The following NLRP8 variants were observed in gnomAD, a reference collection of about 807,000 sequenced individuals.
NLRP8 encodes the protein NLR family pyrin domain containing 8.
In NLRP8, 86 loss-of-function variants were observed where a neutral mutation model predicts 88.7. The observed-to-expected ratio is 0.97, with a 90% confidence interval of 0.81 to 1.16. NLRP8 has a LOEUF of 1.16. Among genes scored for constraint, NLRP8 ranks in the 50% most tolerant of loss-of-function variants. The pLI is 0.00. For synonymous variants in NLRP8, 504 were observed against 494.6 expected (o/e 1.02, Z -0.25); for missense variants, 1,342 against 1,286.5 (o/e 1.04, Z -0.66).
At chr19:55,962,785 C>A (rs984727158) in intron 4 of NLRP8, among the ~76,000 whole-genome samples, 1 of 151,916 alleles carries the variant, frequency 6.6e-6, no homozygotes, top group African/African-American at 2.4e-5. Flanking sequence ...GGCCCTGTCT[C>A]AAAACAAACT....
intron 7 of NLRP8, among the ~76,000 whole-genome samples, chr19:55,975,413 A>C (rs1314715141): frequency 6.6e-6 from 1 of 152,232 alleles, no homozygotes; most frequent in African/African-American, 2.4e-5. Flanking sequence ...GTGAGCCATC[A>C]GTCCTGCTAG....
rs779714046 is a variant in NLRP8, at chr19:55,966,397, G to A, written c.2381+17G>A. ...GTGTCTCAGGTGAGATTTGAGAGGG[G>A]GGTTAGAGTGGGAACCGGGGTACCC... On this transcript the variant is annotated intron_variant, in intron 5 of 9. Coordinates refer to ENST00000291971, the MANE Select transcript of NLRP8 (RefSeq NM_176811.2). The A allele has an allele frequency of 9.3e-6, 15 of 1,610,708 alleles. No homozygotes were observed. Among genetic ancestry groups the A allele is most frequent in the African/African-American group, 2.7e-5 (2 of 74,880 alleles).
At position 55,976,281 on chromosome 19, in the gene NLRP8, G is replaced by A; in HGVS notation, c.2854G>A (p.Asp952Asn). ...GCTGTGTGAGGCCCTGAAGAACCCTGACTGTACATTACAGATCCTGGAGTA... is the reference window on the plus strand; with the variant it reads ...GCTGTGTGAGGCCCTGAAGAACCCTAACTGTACATTACAGATCCTGGAGTA... Residue 952 changes from aspartate to asparagine, a missense_variant, in exon 8 of 10, where the codon GAC becomes AAC. Transcript: ENST00000291971. 2.5e-6 allele frequency: 4 copies of A among 1,610,882 alleles called. No individual in the cohort carries two copies. The highest frequency in any genetic ancestry group is 3.4e-6 in the Non-Finnish European group (4 of 1,179,150).
rs761242804 is a variant in NLRP8, at chr19:55,948,019, TG to T, written c.121del (p.Val41SerfsTer5). 6.2e-7 allele frequency: 1 copy of T among 1,613,824 alleles called. No individual in the cohort carries two copies. The highest frequency in any genetic ancestry group is 2.2e-5 in the East Asian group (1 of 44,842). On this transcript the variant is annotated frameshift_variant, in exon 1 of 10. Coordinates refer to ENST00000291971, the MANE Select transcript of NLRP8 (RefSeq NM_176811.2). LOFTEE classifies it high-confidence loss of function. Reference sequence around the variant, plus strand: ...GCTACCCCGGCTCCCCATGTGAAAATGGGGTCATGCTGTACATGAGAAACGT... The same window carrying T: ...GCTACCCCGGCTCCCCATGTGAAAATGGGTCATGCTGTACATGAGAAACGT...
intron 1 of NLRP8, among the ~76,000 whole-genome samples, chr19:55,950,238 C>T (rs936233745): frequency 2.7e-5 from 4 of 149,142 alleles, no homozygotes; most frequent in Non-Finnish European, 5.9e-5. Flanking sequence ...TGGTGAAACC[C>T]AGTCTCTACT....
chr19:55,956,130 C>A (rs1340965348), intron 3 of NLRP8, 30 bp downstream of exon 3: 6 of 1,580,118 alleles, frequency 3.8e-6, no homozygotes, highest in Non-Finnish European at 4.3e-6. Context: ...CTTGGGTAGC[C>A]CGTCCTACCC....
intron 4 of NLRP8, among the ~76,000 whole-genome samples, chr19:55,965,315 G>T (rs1046333697): frequency 2.6e-5 from 4 of 152,052 alleles, no homozygotes; most frequent in Non-Finnish European, 5.9e-5. Flanking sequence ...GCCAGGCATG[G>T]TAGTGGGTGC....
At chr19:55,951,797 TGG>T (rs1475832349) in intron 1 of NLRP8, among the ~76,000 whole-genome samples, 26 of 152,240 alleles carry the variant, frequency 1.7e-4, no homozygotes, top group Admixed American at 1.4e-3. Context: ...TTACCCAGGT[TGG>T]AGTGGAGTGG....
chr19:55,979,144 T>C (rs576188277), intron 8 of NLRP8, among the ~76,000 whole-genome samples: 52 of 152,326 alleles, frequency 3.4e-4, no homozygotes, highest in African/African-American at 1.2e-3. Context: ...TGAAGATAAG[T>C]AGGTACAAGC....
Position 55,976,139 on chromosome 19 carries a change from A to G in NLRP8, c.2712A>G (p.Arg904=), listed in dbSNP as rs745587712. The G allele has an allele frequency of 1.3e-6, 2 of 1,599,128 alleles. No homozygotes were observed. Among genetic ancestry groups the G allele is most frequent in the South Asian group, 1.1e-5 (1 of 88,068 alleles). The change falls in exon 8 of 10, where the codon AGA becomes AGG. Residue 904 remains arginine, a synonymous_variant. Coordinates refer to ENST00000291971, the MANE Select transcript of NLRP8 (RefSeq NM_176811.2). ...AACCTGTGTTTCTTTGCAGACTGAG[A>G]AAGTGTGACTTGACCTTTAATTGCT...
intron 9 of NLRP8, among the ~76,000 whole-genome samples, chr19:55,985,207 G>A (rs1006539994): frequency 1.2e-4 from 18 of 152,080 alleles, no homozygotes; most frequent in Admixed American, 3.9e-4. Flanking sequence ...GGAGGTTGAG[G>A]CAGGAGAATC....
chr19:55,962,009 T>TA (rs1470428046), intron 3 of NLRP8, 58 bp from the exon 4 acceptor site: 2 of 1,573,012 alleles, frequency 1.3e-6, no homozygotes, highest in African/African-American at 2.7e-5. Flanking sequence ...TGGGGTTTCC[T>TA]AGTAGATTTT....
Position 55,969,356 on chromosome 19 carries a change from C to T in NLRP8, c.2382-1188C>T, listed in dbSNP as rs149634935. On this transcript the variant is annotated intron_variant, in intron 5 of 9. Transcript: ENST00000291971. ...GCTCTCACCTGTAAATGAGAACATA[C>T]GACGTTTGGTTTTCCATCCCTGAGT... 1.3e-3 allele frequency among the ~76,000 whole-genome samples: 193 copies of T among 152,270 alleles called. 1 individual carries two copies. Among genetic ancestry groups the T allele is most frequent in the African/African-American group, 4.4e-3 (182 of 41,552 alleles).
chr19:55,975,050 C>A (rs1295215976), intron 7 of NLRP8, among the ~76,000 whole-genome samples: 1 of 152,118 alleles, frequency 6.6e-6, no homozygotes, highest in Non-Finnish European at 1.5e-5. Context: ...AGTGTTTGCA[C>A]CATGGAAACT....
At chr19:55,959,448 A>G (rs574695750) in intron 3 of NLRP8, among the ~76,000 whole-genome samples, 1 of 150,924 alleles carries the variant, frequency 6.6e-6, no homozygotes, top group African/African-American at 2.4e-5. Context: ...TCCTGACCTC[A>G]TGATCCACCC....
chr19:55,987,383 G>A (rs1980898687), intron 9 of NLRP8, among the ~76,000 whole-genome samples: 1 of 152,206 alleles, frequency 6.6e-6, no homozygotes, highest in Non-Finnish European at 1.5e-5. Context: ...TAAAAATTAA[G>A]TACAGAGTAG....
chr19:55,957,439 A>T (rs1179998354), intron 3 of NLRP8, among the ~76,000 whole-genome samples: 2 of 151,834 alleles, frequency 1.3e-5, no homozygotes, highest in Non-Finnish European at 2.9e-5. Context: ...TAATCCCAGC[A>T]CTTTGGGAGG....
intron 7 of NLRP8, 41 bp from the exon 8 acceptor site, chr19:55,976,092 A>AGTT (rs201466831): frequency 1.6e-5 from 24 of 1,457,132 alleles, no homozygotes; most frequent in East Asian, 9.8e-5. Context: ...GTTTTGTTGT[A>AGTT]GTTGTTGTTG....
At chr19:55,968,016 C>T (rs112194731) in intron 5 of NLRP8, among the ~76,000 whole-genome samples, 3 of 152,260 alleles carry the variant, frequency 2.0e-5, no homozygotes, top group Non-Finnish European at 2.9e-5. Flanking sequence ...CTAAGGCTGC[C>T]GGAGTTCGTA....
Sources: allele counts gnomAD v4.1 joint callset (sites outside exome capture counted in the v4.1 genomes callset), GRCh38; gene constraint gnomAD v4.1.1; transcripts MANE v1.5; gene names NCBI Gene and HGNC (gene_info 2026-07-23, HGNC 2026-07-21).